The following ZFHX3 variants were observed in gnomAD, a reference collection of about 807,000 sequenced individuals.
ZFHX3 encodes the protein zinc finger homeobox protein 3.
ZFHX3 carries 42 observed loss-of-function variants against 279.1 expected under a neutral mutation model. That is an observed-to-expected ratio of 0.15 (90% confidence interval 0.12 to 0.19). The LOEUF is 0.19. Among genes scored for constraint, ZFHX3 ranks in the 10% least tolerant of loss-of-function variants. ZFHX3 has a pLI of 1.00. For synonymous variants in ZFHX3, 2,293 were observed against 1,957.8 expected, an observed-to-expected ratio of 1.17 and a Z score of -4.52; for missense variants, 4,981 against 4,754.0, an observed-to-expected ratio of 1.05 and a Z score of -1.40.
chr16:73,202,579 A>T (rs1459697809), intron 5 of ZFHX3, among the ~76,000 whole-genome samples: 1 of 152,118 alleles, frequency 6.6e-6, no homozygotes, highest in East Asian at 1.9e-4. Context: ...GACTGGGCCA[A>T]CCAGATGGTG....
intron 2 of ZFHX3, among the ~76,000 whole-genome samples, chr16:73,539,951 G>C (rs914565307): frequency 1.3e-5 from 2 of 152,146 alleles, no homozygotes; most frequent in Non-Finnish European, 2.9e-5. Flanking sequence ...TATGAATATC[G>C]GTAGGAATTT....
At chr16:73,152,830 G>A (rs1966976706) in intron 5 of ZFHX3, among the ~76,000 whole-genome samples, 1 of 150,994 alleles carries the variant, frequency 6.6e-6, no homozygotes, top group Non-Finnish European at 1.5e-5. Context: ...CTGGGGGGAA[G>A]GGAGGGGAGT....
At chr16:73,642,527 A>G (rs1243730267) in intron 2 of ZFHX3, among the ~76,000 whole-genome samples, 1 of 152,228 alleles carries the variant, frequency 6.6e-6, no homozygotes, top group African/African-American at 2.4e-5. Flanking sequence ...ATTCAAAGAT[A>G]AACAGCTCTG....
intron 1 of ZFHX3, among the ~76,000 whole-genome samples, chr16:73,811,075 G>GA (rs888532491): frequency 1.5e-4 from 22 of 150,216 alleles, no homozygotes; most frequent in East Asian, 7.8e-4. Context: ...ATATCAAATA[G>GA]AAAAAAAAAA....
intron 3 of ZFHX3, among the ~76,000 whole-genome samples, chr16:72,920,081 C>T (rs189391891): frequency 6.6e-6 from 1 of 152,096 alleles, no homozygotes; most frequent in African/African-American, 2.4e-5. Context: ...GCATGAGCTA[C>T]TGCGCCCGGT....
At chr16:73,186,017 C>T (rs575860522) in intron 5 of ZFHX3, among the ~76,000 whole-genome samples, 128 of 152,126 alleles carry the variant, frequency 8.4e-4, no homozygotes, top group Non-Finnish European at 1.4e-3. Flanking sequence ...ACTGCATATG[C>T]GAGGGATCTA....
At chr16:73,478,350 G>A (rs565330194) in intron 2 of ZFHX3, among the ~76,000 whole-genome samples, 17 of 151,368 alleles carry the variant, frequency 1.1e-4, no homozygotes, top group Non-Finnish European at 2.4e-4. Context: ...TGGACCCTCA[G>A]ATTAAAAGTC....
At chr16:73,672,959 G>A (rs2052918814) in intron 2 of ZFHX3, among the ~76,000 whole-genome samples, 1 of 152,054 alleles carries the variant, frequency 6.6e-6, no homozygotes, top group East Asian at 1.9e-4. Context: ...TACAGCAGTG[G>A]AAATGAATGA....
At chr16:73,217,002 C>T (rs868332874) in intron 5 of ZFHX3, among the ~76,000 whole-genome samples, 2 of 152,140 alleles carry the variant, frequency 1.3e-5, no homozygotes, top group African/African-American at 4.8e-5. Flanking sequence ...TCAGCCTGAT[C>T]CTTGCTCTAA....
At chr16:73,528,818 C>A (rs1248818421) in intron 2 of ZFHX3, among the ~76,000 whole-genome samples, 1 of 152,148 alleles carries the variant, frequency 6.6e-6, no homozygotes, top group African/African-American at 2.4e-5. Flanking sequence ...GTAACTGGCA[C>A]CATGGGAATC....
chr16:73,166,894 C>T (rs1967386639), intron 5 of ZFHX3, among the ~76,000 whole-genome samples: 1 of 152,206 alleles, frequency 6.6e-6, no homozygotes, highest in African/African-American at 2.4e-5. Flanking sequence ...GCCATCTGAA[C>T]AAAGTGCATC....
At chr16:73,623,160 T>C (rs1008518668) in intron 2 of ZFHX3, among the ~76,000 whole-genome samples, 5 of 151,982 alleles carry the variant, frequency 3.3e-5, no homozygotes, top group Middle Eastern at 3.4e-3. Context: ...CCTCAGCCTC[T>C]CGAGTTGCTG....
intron 3 of ZFHX3, among the ~76,000 whole-genome samples, chr16:72,918,692 G>GTTCT (rs1276976002): frequency 6.7e-6 from 1 of 148,196 alleles, no homozygotes; most frequent in Non-Finnish European, 1.5e-5. Context: ...TTTAAAGGTA[G>GTTCT]TTCTTTTTTT....
chr16:73,405,313 A>G (rs1485847727), intron 3 of ZFHX3, among the ~76,000 whole-genome samples: 3 of 152,214 alleles, frequency 2.0e-5, no homozygotes, highest in Non-Finnish European at 4.4e-5. Flanking sequence ...AAGAAGGACT[A>G]AGGCTTAGCT....
chr16:73,705,793 C>T (rs1018426408), intron 1 of ZFHX3, among the ~76,000 whole-genome samples: 8 of 152,170 alleles, frequency 5.3e-5, no homozygotes, highest in African/African-American at 1.9e-4. Flanking sequence ...TCCTAGTAAG[C>T]CTGCCTCAGA....
chr16:73,738,732 C>T (rs1020489285), intron 1 of ZFHX3, among the ~76,000 whole-genome samples: 5 of 152,118 alleles, frequency 3.3e-5, no homozygotes, highest in South Asian at 2.1e-4. Flanking sequence ...GGTTCTGATG[C>T]TCTGGGGAAT....
intron 4 of ZFHX3, among the ~76,000 whole-genome samples, chr16:72,834,541 TA>T (rs1480759080): frequency 3.3e-5 from 5 of 152,234 alleles, no homozygotes; most frequent in Non-Finnish European, 5.9e-5. Context: ...TAATATACCT[TA>T]TACTTAGCAT....
At chr16:73,430,251 C>T (rs1228296922) in intron 3 of ZFHX3, among the ~76,000 whole-genome samples, 2 of 152,160 alleles carry the variant, frequency 1.3e-5, no homozygotes, top group African/African-American at 4.8e-5. Context: ...GCCAGGTACA[C>T]TAGAATGCCC....
chr16:73,695,765 A>T (rs1170019448), intron 1 of ZFHX3, among the ~76,000 whole-genome samples: 4 of 152,178 alleles, frequency 2.6e-5, no homozygotes, highest in Non-Finnish European at 5.9e-5. Context: ...CCTGGCTCAC[A>T]GCAGGTGCTC....
Sources: allele counts gnomAD v4.1 joint callset (sites outside exome capture counted in the v4.1 genomes callset), GRCh38; gene constraint gnomAD v4.1.1; transcripts MANE v1.5; gene names NCBI Gene and HGNC (gene_info 2026-07-23, HGNC 2026-07-21).